TRIM50: variants seen among roughly 807,000 people sequenced by gnomAD.
TRIM50 encodes E3 ubiquitin-protein ligase TRIM50.
Under a neutral mutation model 44.9 loss-of-function variants are expected in TRIM50, and 34 were observed. The ratio of observed to expected loss-of-function variants is 0.76; its 90% CI spans 0.58 to 1.01. The LOEUF (loss-of-function observed/expected upper bound fraction) is 1.01, where lower values mean the gene tolerates loss of function less well. TRIM50 is among the 50% of genes least tolerant of loss of function. TRIM50 has a pLI of 0.00. For missense variants in TRIM50, 633 were observed against 663.7 expected (o/e 0.95, Z 0.51); for synonymous variants, 307 against 291.1 (o/e 1.05, Z -0.56).
At chr7:73,321,011 T>G (rs1804482474) in intron 2 of TRIM50, among the ~76,000 whole-genome samples, 3 of 121,268 alleles carry the variant, frequency 2.5e-5, no homozygotes, top group African/African-American at 3.2e-5. Flanking sequence ...GCAACAAGAG[T>G]GAAACTCCGT....
chr7:73,320,127 C>T lies in TRIM50; in HGVS notation c.495+20G>A, dbSNP rs1554544826. The stretch of plus-strand genomic sequence containing the variant: ...GAAGGTGGCCGGTCCCAGGCAGGGG[C>T]AGAGGGAAGGGGCACTCACGACGAT... On this transcript the variant is annotated intron_variant, in intron 3 of 6. Transcript: ENST00000333149. The T allele has an allele frequency of 1.9e-6, 3 of 1,613,986 alleles. No homozygotes were observed. Among genetic ancestry groups the T allele is most frequent in the Non-Finnish European group, 2.5e-6 (3 of 1,179,872 alleles).
At chr7:73,325,008 G>A (rs1438283439) in intron 1 of TRIM50, among the ~76,000 whole-genome samples, 4 of 132,056 alleles carry the variant, frequency 3.0e-5, no homozygotes, top group Non-Finnish European at 6.4e-5. Flanking sequence ...CTGGTCCCTT[G>A]AAGATATGTG....
At chr7:73,325,326 G>C (rs1442179992) in intron 1 of TRIM50, 1 of 161,636 alleles carries the variant, frequency 6.2e-6, no homozygotes, top group East Asian at 1.9e-4. Flanking sequence ...ACACTTATAG[G>C]TGACACTCCC....
In TRIM50 at chr7:73,324,651, T is replaced by C; in HGVS notation, c.137A>G (p.His46Arg). The C allele has an allele frequency of 6.2e-7, 1 of 1,614,198 alleles. No individual in the cohort carries two copies. The highest frequency in any genetic ancestry group is 1.3e-5 in the African/African-American group (1 of 75,060). ...CKGCLVSLSCHLDAELRCPVC... is the reference protein window; with the variant it reads ...CKGCLVSLSCRLDAELRCPVC... ...GGGGCAGCGCAGCTCGGCATCCAGGTGGCAGGACAGGGAAACCAGGCAGCC... is the reference window on the plus strand; with the variant it reads ...GGGGCAGCGCAGCTCGGCATCCAGGCGGCAGGACAGGGAAACCAGGCAGCC... Residue 46 changes from histidine to arginine, a missense_variant, in exon 2 of 7, where the codon CAC becomes CGC. Coordinates refer to ENST00000333149, the MANE Select transcript of TRIM50 (RefSeq NM_178125.3).
intron 6 of TRIM50, chr7:73,314,420 G>A (rs1804311140): frequency 4.6e-6 from 2 of 436,148 alleles, no homozygotes; most frequent in African/African-American, 4.1e-5. Context: ...CAGACCAGGG[G>A]CAAAGCAAGA....
chr7:73,323,779 C>T (rs1314043998), intron 2 of TRIM50, among the ~76,000 whole-genome samples: 1 of 152,164 alleles, frequency 6.6e-6, no homozygotes, highest in African/African-American at 2.4e-5. Flanking sequence ...GTGGTGCATG[C>T]CTATAATTCC....
At chr7:73,316,436 C>T (rs1804359616) in intron 6 of TRIM50, 129 bp downstream of exon 6, 2 of 1,248,486 alleles carry the variant, frequency 1.6e-6, no homozygotes, top group Admixed American at 3.0e-5. Flanking sequence ...CAGTCCCATG[C>T]TCTCACTAGG....
Position 73,312,584 on chromosome 7 carries a change from G to T in TRIM50, c.*337C>A. On this transcript the variant is annotated 3_prime_UTR_variant, in exon 7 of 7. Transcript: ENST00000333149. Reference sequence around the variant, plus strand: ...AAATTTATTATCCTTGATAGTAGTTGAAAGTTCACAGTAATATGGAAAAGG... The same window carrying T: ...AAATTTATTATCCTTGATAGTAGTTTAAAGTTCACAGTAATATGGAAAAGG... 3.6e-6 allele frequency: 1 copy of T among 277,592 alleles called. No homozygotes were observed. The allele number at this position is 277,592 out of a possible 1,614,324, so 17.2% of individuals were successfully genotyped here.
At position 73,324,660 on chromosome 7, in the gene TRIM50, A is replaced by T; in HGVS notation, c.128T>A (p.Leu43Gln). ...CAGCTCGGCATCCAGGTGGCAGGAC[A>T]GGGAAACCAGGCAGCCCTTGCAGTA... The part of the protein sequence containing the change: ...HSYCKGCLVS[L>Q]SCHLDAELRC... Residue 43 changes from leucine to glutamine, a missense_variant, in exon 2 of 7, where the codon CTG (leucine) becomes CAG (glutamine). Transcript: ENST00000333149. 6.2e-7 allele frequency: 1 copy of T among 1,614,244 alleles called. No individual in the cohort carries two copies. The highest frequency in any genetic ancestry group is 8.5e-7 in the Non-Finnish European group (1 of 1,180,040).
At chr7:73,315,044 A>G (rs1554543808) in intron 6 of TRIM50, 2 of 342,950 alleles carry the variant, frequency 5.8e-6, no homozygotes, top group South Asian at 2.8e-5. Flanking sequence ...GTTAACTTGG[A>G]AGACAAAGGA....
intron 6 of TRIM50, chr7:73,314,985 G>T: frequency 2.9e-6 from 1 of 339,722 alleles, no homozygotes; most frequent in Non-Finnish European, 5.7e-6. Flanking sequence ...AGGCAAGACT[G>T]GGATGTCTAG....
At chr7:73,314,802 A>G (rs1804319346) in intron 6 of TRIM50, 1 of 188,498 alleles carries the variant, frequency 5.3e-6, no homozygotes, top group East Asian at 1.7e-4. Flanking sequence ...GTGAGCTGAG[A>G]TCACACCACT....
At chr7:73,316,472 T>C (rs1343572649) in intron 6 of TRIM50, 93 bp downstream of exon 6, 2 of 1,526,016 alleles carry the variant, frequency 1.3e-6, no homozygotes, top group Admixed American at 3.9e-5. Context: ...CCATCTGAGT[T>C]CTCTGTAGCT....
At chr7:73,326,408 T>TC (rs1804627967) in intron 1 of TRIM50, among the ~76,000 whole-genome samples, 1 of 151,826 alleles carries the variant, frequency 6.6e-6, no homozygotes, top group Non-Finnish European at 1.5e-5. Context: ...TGGCCTCTTT[T>TC]TTTTTTTTTT....
chr7:73,324,364 C>T (rs1398175825), intron 2 of TRIM50, 25 bp downstream of exon 2: 25 of 1,613,910 alleles, frequency 1.5e-5, no homozygotes, highest in Non-Finnish European at 1.9e-5. Context: ...GCCTCTCCAG[C>T]CGCCCCTGCA....
chr7:73,320,346 G>A (rs1220750932), intron 2 of TRIM50, 104 bp from the exon 3 acceptor site: 1 of 1,564,034 alleles, frequency 6.4e-7, no homozygotes, highest in African/African-American at 1.4e-5. Context: ...GCACTCCCAG[G>A]GAAACCAGGG....
rs200220785 is a variant in TRIM50 at position 73,313,161 on chromosome 7, G to A, written c.1224C>T (p.Ala408=). The A allele has an allele frequency of 2.2e-4, 355 of 1,588,176 alleles. 3 individuals carry two copies. The East Asian group carries it at 5.3e-3, about 24-fold the overall frequency. The change falls in exon 7 of 7, where the codon GCC becomes GCT. Residue 408 remains alanine, a synonymous_variant. Transcript: ENST00000333149. The surrounding 1 kb of genome is among the most constrained non-coding windows in gnomAD (Gnocchi z 4.9). The part of the protein sequence containing the change: ...FACPRVPLPV[A]GHPHRIGLYL... ...AGAGCCCGATGCGGTGGGGGTGGCC[G>A]GCCACGGGCAGGGGTACCCGGGGGC...
At chr7:73,325,014 A>ATGTGTG (rs3040867) in intron 1 of TRIM50, among the ~76,000 whole-genome samples, 8,773 of 141,970 alleles carry the variant, frequency 0.062, 293 homozygotes, top group Middle Eastern at 0.1. Context: ...CCTTGAAGAT[A>ATGTGTG]TGTGTGTGTG....
chr7:73,313,033 T>C lies in TRIM50; in HGVS notation c.1352A>G (p.Tyr451Cys). Residue 451 changes from tyrosine to cysteine, a missense_variant, in exon 7 of 7, where the codon TAC becomes TGC. Physicochemically the swap from Tyr to Cys is radical, Grantham distance 194 (BLOSUM62 -2). Transcript: ENST00000333149. This position sits in a 1 kb window ranked among gnomAD's most constrained non-coding sequence, Gnocchi z 4.9. ...GTGCCAGCAGGTGTCCAGGATGGGGTAGAGCTTGCCCTGGAAGTCGGCCTG... is the reference window on the plus strand; with the variant it reads ...GTGCCAGCAGGTGTCCAGGATGGGGCAGAGCTTGCCCTGGAAGTCGGCCTG... ...TFQADFQGKL[Y>C]PILDTCWHER... 1 of 1,567,876 alleles carries C rather than the reference T, an allele frequency of 6.4e-7. No individual in the cohort carries two copies. Among genetic ancestry groups the C allele is most frequent in the South Asian group, 1.2e-5 (1 of 85,330 alleles).
Sources: allele counts gnomAD v4.1 joint callset (sites outside exome capture counted in the v4.1 genomes callset), GRCh38; gene constraint gnomAD v4.1.1; non-coding constraint Gnocchi (gnomAD v3.1); transcripts MANE v1.5; gene names NCBI Gene and HGNC (gene_info 2026-07-23, HGNC 2026-07-21).